The following CAPN3 variants were observed in gnomAD, a reference collection of about 807,000 sequenced individuals.
CAPN3 encodes the protein calpain 3, also known as calpain-3.
Under a neutral mutation model 114.0 loss-of-function variants are expected in CAPN3, and 88 were observed. The ratio of observed to expected loss-of-function variants is 0.77; its 90% CI spans 0.65 to 0.92. CAPN3 has a LOEUF of 0.92. Ranked by LOEUF, CAPN3 falls within the 40% of genes least tolerant of loss-of-function variation. The probability of loss-of-function intolerance (pLI) is 0.00; values close to 1 mark genes in which losing one functional copy is unlikely to be tolerated. For synonymous variants in CAPN3, 386 were observed against 382.9 expected (o/e 1.01, Z -0.09); for missense variants, 1,028 against 1,069.0 (o/e 0.96, Z 0.53).
At chr15:42,380,751 A>ATATATT (rs1436943739) in intron 1 of CAPN3, among the ~76,000 whole-genome samples, 1 of 64,456 alleles carries the variant, frequency 1.6e-5, no homozygotes, top group African/African-American at 8.9e-5. Flanking sequence ...ATATATATAT[A>ATATATT]TTTTTTTTTT....
intron 6 of CAPN3, 148 bp from the exon 7 acceptor site, chr15:42,392,491 C>T (rs576613108): frequency 6.0e-6 from 4 of 668,268 alleles, no homozygotes; most frequent in Admixed American, 4.2e-5. Context: ...ACTGAAGGTC[C>T]GTTCGTGGTC....
In CAPN3 at chr15:42,385,539, G is replaced by C. The variant is rs112212963; in HGVS notation, c.380-628G>C. The C allele has an allele frequency of 1.2e-3, 448 of 369,990 alleles. 1 individual carries two copies. The highest frequency in any genetic ancestry group is 9.4e-3 in the African/African-American group (419 of 44,628). The allele number at this position is 369,990 out of a possible 1,614,324, so 22.9% of individuals were successfully genotyped here. A position where few individuals can be genotyped will look rare whatever the true frequency, so the allele number is the denominator to read the frequency against. ...ATATATATATACACACACAGAGAGAGAGAGAGAGAGAGAGAGAGAGAAAGA... is the reference window on the plus strand; with the variant it reads ...ATATATATATACACACACAGAGAGACAGAGAGAGAGAGAGAGAGAGAAAGA... On this transcript the variant is annotated intron_variant, in intron 2 of 23. Coordinates refer to ENST00000397163, the MANE Select transcript of CAPN3 (RefSeq NM_000070.3).
chr15:42,386,334 C>G (rs555686014), intron 3 of CAPN3, 49 bp downstream of exon 3: 11 of 1,287,510 alleles, frequency 8.5e-6, no homozygotes, highest in Middle Eastern at 1.8e-4. Context: ...GGCCACCCAC[C>G]GCTGGTCTCC....
chr15:42,383,771 C>T (rs537171493), intron 1 of CAPN3, among the ~76,000 whole-genome samples: 1 of 152,004 alleles, frequency 6.6e-6, no homozygotes, highest in South Asian at 2.1e-4. Context: ...CAGGGTTTCA[C>T]TATGTTGGCC....
intron 7 of CAPN3, 102 bp downstream of exon 7, chr15:42,392,824 C>A: frequency 1.2e-6 from 1 of 839,262 alleles, no homozygotes; most frequent in Non-Finnish European, 2.0e-6. Context: ...GCAGAGCTTG[C>A]CTCCAATCAG....
intron 6 of CAPN3, among the ~76,000 whole-genome samples, chr15:42,392,280 G>A (rs1321553425): frequency 6.6e-6 from 1 of 152,140 alleles, no homozygotes; most frequent in Non-Finnish European, 1.5e-5. Context: ...TTCAGGGGAA[G>A]GGGGATCCTG....
chr15:42,405,978 A>G, intron 15 of CAPN3, 35 bp downstream of exon 15: 1 of 1,583,604 alleles, frequency 6.3e-7, no homozygotes. Context: ...AAGTGTGTGT[A>G]CTCATGCATA....
At chr15:42,369,225 G>T (rs1283327204) in intron 1 of CAPN3, among the ~76,000 whole-genome samples, 2 of 152,144 alleles carry the variant, frequency 1.3e-5, no homozygotes, top group Non-Finnish European at 2.9e-5. Context: ...TTATCTTACG[G>T]TTGGAATGTT....
At chr15:42,374,794 C>CTTTTTTTTTTTTTTTTT (rs66487749) in intron 1 of CAPN3, among the ~76,000 whole-genome samples, 1 of 85,402 alleles carries the variant, frequency 1.2e-5, no homozygotes, top group Admixed American at 1.7e-4. Context: ...TATCATGTCT[C>CTTTTTTTTTTTTTTTTT]TTTTTTTTTT....
intron 1 of CAPN3, among the ~76,000 whole-genome samples, chr15:42,381,833 C>T (rs760955107): frequency 1.4e-4 from 22 of 152,136 alleles, no homozygotes; most frequent in Non-Finnish European, 2.5e-4. Context: ...TCATTGCACC[C>T]GGCCATCATG....
intron 17 of CAPN3, 35 bp from the exon 18 acceptor site, chr15:42,409,751 TC>T (rs1191499959): frequency 1.3e-6 from 2 of 1,599,274 alleles, no homozygotes; most frequent in Non-Finnish European, 1.7e-6. Flanking sequence ...GCTGCTGTAC[TC>T]CTGAACCATG....
chr15:42,387,714 A>G (rs1297267795), intron 3 of CAPN3, 39 bp from the exon 4 acceptor site: 1 of 1,613,708 alleles, frequency 6.2e-7, no homozygotes, highest in African/African-American at 1.3e-5. Context: ...CCTAACAGTA[A>G]TTTGAGTATG....
At chr15:42,399,866 G>C (rs1192472182) in intron 10 of CAPN3, among the ~76,000 whole-genome samples, 1 of 152,248 alleles carries the variant, frequency 6.6e-6, no homozygotes, top group African/African-American at 2.4e-5. Context: ...CAATGCAGAT[G>C]CTGCTTGACT....
chr15:42,379,252 A>G (rs1393747826), intron 1 of CAPN3, among the ~76,000 whole-genome samples: 1 of 152,112 alleles, frequency 6.6e-6, no homozygotes, highest in African/African-American at 2.4e-5. Context: ...TAGAGGTTGC[A>G]GTGAGCCAAG....
chr15:42,385,102 C>T (rs1210662764), intron 2 of CAPN3, among the ~76,000 whole-genome samples: 1 of 152,242 alleles, frequency 6.6e-6, no homozygotes, highest in Non-Finnish European at 1.5e-5. Context: ...TGATCTTCCT[C>T]TCTCTCGACC....
At chr15:42,372,709 G>A (rs140931459) in intron 1 of CAPN3, among the ~76,000 whole-genome samples, 6,364 of 151,788 alleles carry the variant, frequency 0.042, 398 homozygotes, top group African/African-American at 0.13. Flanking sequence ...TTAGCCAGGC[G>A]TGATGGTGGG....
intron 1 of CAPN3, among the ~76,000 whole-genome samples, chr15:42,372,659 C>T (rs2052983710): frequency 6.6e-6 from 1 of 152,042 alleles, no homozygotes; most frequent in African/African-American, 2.4e-5. Context: ...ACTAGCCTGG[C>T]CAACATGGTG....
chr15:42,399,993 A>G (rs531834957), intron 10 of CAPN3, among the ~76,000 whole-genome samples: 8 of 152,210 alleles, frequency 5.3e-5, no homozygotes, highest in Non-Finnish European at 1.2e-4. Flanking sequence ...TACCTTAAAC[A>G]TGCTCGGAAC....
chr15:42,401,721 A>C lies in CAPN3; in HGVS notation c.1435A>C (p.Ser479Arg). 1 of 1,614,170 alleles carries C rather than the reference A, an allele frequency of 6.2e-7. No homozygotes were observed. The highest frequency in any genetic ancestry group is 1.1e-5 in the South Asian group (1 of 91,082). Residue 479 changes from serine to arginine, a missense_variant, in exon 11 of 24, where the codon AGC (serine) becomes CGC (arginine). Transcript: ENST00000397163. ...DDPDDSEVIC[S>R]FLVALMQKNR... The stretch of plus-strand genomic sequence containing the variant: ...CCCTGATGACTCGGAGGTGATTTGC[A>C]GCTTCCTGGTGGCCCTGATGCAGAA...
Sources: allele counts gnomAD v4.1 joint callset (sites outside exome capture counted in the v4.1 genomes callset), GRCh38; gene constraint gnomAD v4.1.1; transcripts MANE v1.5; gene names NCBI Gene and HGNC (gene_info 2026-07-23, HGNC 2026-07-21).